Variants in CPO observed in about 807,000 individuals in gnomAD.
CPO encodes the protein carboxypeptidase O, also known as metallocarboxypeptidase C.
A neutral mutation model predicts 41.2 loss-of-function variants in CPO; 43 were observed. The observed-to-expected ratio is 1.04, with a 90% confidence interval of 0.82 to 1.35. The LOEUF (loss-of-function observed/expected upper bound fraction) is 1.35, where lower values mean the gene tolerates loss of function less well. Ranked by LOEUF, CPO falls within the 40% of genes most tolerant of loss-of-function variation. CPO has a pLI of 0.00. For synonymous variants in CPO, 178 were observed against 162.7 expected, an observed-to-expected ratio of 1.09 and a Z score of -0.72; for missense variants, 408 against 451.7, an observed-to-expected ratio of 0.90 and a Z score of 0.88.
intron 1 of CPO, among the ~76,000 whole-genome samples, chr2:206,945,501 G>A (rs1228582589): frequency 6.6e-6 from 1 of 152,170 alleles, no homozygotes. Context: ...GCGGCTTAGA[G>A]ATAGAATATT....
rs745904494 is a variant in CPO, at chr2:206,969,235, G to A, written c.924G>A (p.Thr308=). The A allele has an allele frequency of 8.7e-6, 14 of 1,613,980 alleles. 1 individual carries two copies. In the South Asian group the frequency reaches 1.3e-4, roughly 15 times the overall value. The change falls in exon 9 of 9, where the codon ACG becomes ACA. Residue 308 remains threonine, a synonymous_variant. Coordinates refer to ENST00000272852, the MANE Select transcript of CPO (RefSeq NM_173077.3). ...ARDIGIPFSY[T]FELRDSGTYG... is the part of the protein sequence containing the mutation. ...ACATTGGGATTCCCTTCTCATATACGTTTGAGCTGAGGGACAGTGGAACAT... is the reference window on the plus strand; with the variant it reads ...ACATTGGGATTCCCTTCTCATATACATTTGAGCTGAGGGACAGTGGAACAT...
Position 206,959,721 on chromosome 2 carries a change from T to A in CPO, c.463T>A (p.Tyr155Asn). The change falls in exon 5 of 9, where the codon TAT becomes AAT. Residue 155 changes from tyrosine (Y) to asparagine (N), a missense_variant. Tyr to Asn is a moderately radical substitution (Grantham distance 143). Transcript: ENST00000272852. The part of the protein sequence containing the change: ...YVLPVLNIDG[Y>N]IYTWTTDRLW... ...CCTTCCAGTTCTTAACATAGATGGT[T>A]ATATCTACACTTGGACAACTGTGAG... is the stretch of plus-strand genomic sequence containing the variant. 6.5e-7 allele frequency: 1 copy of A among 1,528,166 alleles called. No individual in the cohort carries two copies. The highest frequency in any genetic ancestry group is 9.1e-7 in the Non-Finnish European group (1 of 1,101,894). The allele number at this position is 1,528,166 out of a possible 1,614,324, so 94.7% of individuals were successfully genotyped here.
At chr2:206,956,440 C>T (rs1693360277) in intron 3 of CPO, among the ~76,000 whole-genome samples, 1 of 152,174 alleles carries the variant, frequency 6.6e-6, no homozygotes, top group Non-Finnish European at 1.5e-5. Flanking sequence ...GCAGCATCAC[C>T]ACCTGAGGGC....
At chr2:206,952,325 G>A (rs944921769) in intron 2 of CPO, among the ~76,000 whole-genome samples, 1 of 151,944 alleles carries the variant, frequency 6.6e-6, no homozygotes, top group Non-Finnish European at 1.5e-5. Flanking sequence ...ATCTTGGCCA[G>A]GTTGGTCTTG....
rs550465850 is a variant in CPO at position 206,947,782 on chromosome 2, G to A, written c.69-1835G>A. 6.6e-5 allele frequency among the ~76,000 whole-genome samples: 10 copies of A among 152,166 alleles called. No homozygotes were observed. The South Asian group carries it at 1.2e-3, about 19-fold the overall frequency. The stretch of plus-strand genomic sequence containing the variant: ...TCATCAAAGAAAATATAGAGACAGC[G>A]AGAAAACATAAAAAAGATATTCCAC... On this transcript the variant is annotated intron_variant, in intron 1 of 8. Transcript: ENST00000272852.
chr2:206,962,630 C>G lies in CPO; in HGVS notation c.777+16C>G. 6.2e-7 allele frequency: 1 copy of G among 1,600,714 alleles called. No homozygotes were observed. Reference sequence around the variant, plus strand: ...CCCAGAAATGGTGAGTCCATAGCACCAAGGCCTCCAGAAAAACCTCAGCAA... The same window carrying G: ...CCCAGAAATGGTGAGTCCATAGCACGAAGGCCTCCAGAAAAACCTCAGCAA... On this transcript the variant is annotated intron_variant, in intron 7 of 8. Transcript: ENST00000272852.
intron 1 of CPO, among the ~76,000 whole-genome samples, chr2:206,944,027 ATTGTC>A (rs1433553603): frequency 6.6e-6 from 1 of 151,932 alleles, no homozygotes; most frequent in South Asian, 2.1e-4. Context: ...TTTATGTCTT[ATTGTC>A]TTAAGTAGAT....
At chr2:206,942,015 A>G (rs2105817181) in intron 1 of CPO, among the ~76,000 whole-genome samples, 1 of 152,258 alleles carries the variant, frequency 6.6e-6, no homozygotes, top group East Asian at 1.9e-4. Flanking sequence ...AGATTTACAC[A>G]ATAAGGTATT....
At chr2:206,941,094 A>G (rs1315970788) in intron 1 of CPO, among the ~76,000 whole-genome samples, 2 of 152,104 alleles carry the variant, frequency 1.3e-5, no homozygotes, top group African/African-American at 4.8e-5. Flanking sequence ...CTTAAAACAT[A>G]AATCTTTTGG....
intron 4 of CPO, 90 bp downstream of exon 4, chr2:206,958,495 A>C (rs751570455): frequency 2.6e-5 from 17 of 662,964 alleles, no homozygotes; most frequent in Non-Finnish European, 3.7e-5. Flanking sequence ...CTTCTTTCAC[A>C]TGTTAGTGAT....
intron 3 of CPO, 92 bp from the exon 4 acceptor site, chr2:206,958,209 A>G (rs958254355): frequency 4.8e-6 from 3 of 626,654 alleles, no homozygotes; most frequent in Admixed American, 2.9e-5. Context: ...TGAAAAAGGA[A>G]CCTCTAGGGG....
intron 3 of CPO, among the ~76,000 whole-genome samples, chr2:206,956,921 A>G (rs13382669): frequency 0.011 from 1,621 of 152,288 alleles, 28 homozygotes; most frequent in African/African-American, 0.038. Flanking sequence ...CTGATTTTCC[A>G]TAGGCAATCC....
At chr2:206,964,401 C>T (rs1693533749) in intron 7 of CPO, among the ~76,000 whole-genome samples, 1 of 152,130 alleles carries the variant, frequency 6.6e-6, no homozygotes, top group Admixed American at 6.5e-5. Context: ...TCCTTTGACC[C>T]TCATGATAAT....
At position 206,939,554 on chromosome 2, in the gene CPO, C is replaced by T. The variant is rs778317289; in HGVS notation, c.-46C>T. ...GCATTCATTCTCAAGGACACTTGAT[C>T]CACTGCCAGAGAGGCCCAGAATTTT... On this transcript the variant is annotated 5_prime_UTR_variant, in exon 1 of 9. Coordinates refer to ENST00000272852, the MANE Select transcript of CPO (RefSeq NM_173077.3). The T allele has an allele frequency of 2.4e-5, 36 of 1,478,360 alleles. No homozygotes were observed. Among genetic ancestry groups the T allele is most frequent in the Non-Finnish European group, 2.8e-5 (30 of 1,058,612 alleles). The allele number at this position is 1,478,360 out of a possible 1,614,324, so 91.6% of individuals were successfully genotyped here.
Position 206,940,265 on chromosome 2 carries a change from A to AT in CPO, c.68+606dup, listed in dbSNP as rs764761056. On this transcript the variant is annotated intron_variant, in intron 1 of 8. Transcript: ENST00000272852. ...GCTGTGATGAGCAACCAGCTACATA[A>AT]TTTTTTTTGCTTTTTGCAAATCTTT... is the stretch of plus-strand genomic sequence containing the variant. Among the ~76,000 whole-genome samples, 37 of 151,968 alleles carry AT rather than the reference A, an allele frequency of 2.4e-4. No individual in the cohort carries two copies. The Middle Eastern group carries it at 0.01, about 42-fold the overall frequency.
intron 1 of CPO, among the ~76,000 whole-genome samples, chr2:206,942,968 G>T (rs543041873): frequency 4.3e-4 from 66 of 152,278 alleles, no homozygotes; most frequent in African/African-American, 1.5e-3. Flanking sequence ...AATGGACCCA[G>T]TTGCTCAATG....
At chr2:206,960,594 G>A (rs1054662955) in intron 5 of CPO, among the ~76,000 whole-genome samples, 1 of 152,198 alleles carries the variant, frequency 6.6e-6, no homozygotes, top group African/African-American at 2.4e-5. Flanking sequence ...TGCTCATGAG[G>A]AAAAGGCCAA....
At chr2:206,941,277 G>A (rs1468683483) in intron 1 of CPO, among the ~76,000 whole-genome samples, 1 of 151,960 alleles carries the variant, frequency 6.6e-6, no homozygotes, top group East Asian at 1.9e-4. Context: ...ATAGGACAAT[G>A]GGATATTATT....
intron 1 of CPO, 82 bp from the exon 2 acceptor site, chr2:206,949,535 A>T: frequency 2.1e-6 from 2 of 940,298 alleles, no homozygotes; most frequent in Non-Finnish European, 3.5e-6. Flanking sequence ...CACTGATTCT[A>T]CTACCTTTTT....
Sources: allele counts gnomAD v4.1 joint callset (sites outside exome capture counted in the v4.1 genomes callset), GRCh38; gene constraint gnomAD v4.1.1; transcripts MANE v1.5; gene names NCBI Gene and HGNC (gene_info 2026-07-23, HGNC 2026-07-21).